The following GON4L variants were observed in gnomAD, a reference collection of about 807,000 sequenced individuals.
GON4L encodes the protein GON-4-like protein.
GON4L carries 87 observed loss-of-function variants against 211.8 expected under a neutral mutation model. The observed-to-expected ratio is 0.41, with a 90% CI of 0.35 to 0.49. The LOEUF is 0.49. GON4L is among the 20% of genes least tolerant of loss of function. The pLI, the probability that GON4L is intolerant of heterozygous loss-of-function variation, is 0.15. For synonymous variants in GON4L, 875 were observed against 962.6 expected (o/e 0.91, Z 1.68); for missense variants, 2,155 against 2,659.5 (o/e 0.81, Z 4.17).
chr1:155,766,485 C>T lies in GON4L; in HGVS notation c.2988G>A (p.Lys996=). The change falls in exon 21 of 32, where the codon AAG becomes AAA. Residue 996 remains lysine (K), a synonymous_variant. Coordinates refer to ENST00000368331, the MANE Select transcript of GON4L (RefSeq NM_001282860.2). The part of the protein sequence containing the change: ...TRFPRKAWRQ[K]RSSVLKPLLI... ...GGAGGGGCTTCAGGACTGATGAACGCTTCTGTCTCCAAGCCTTCCTGGGGA... is the reference window on the plus strand; with the variant it reads ...GGAGGGGCTTCAGGACTGATGAACGTTTCTGTCTCCAAGCCTTCCTGGGGA... 1.2e-6 allele frequency: 2 copies of T among 1,614,114 alleles called. No individual in the cohort carries two copies. Among genetic ancestry groups the T allele is most frequent in the Non-Finnish European group, 1.7e-6 (2 of 1,180,012 alleles).
chr1:155,807,577 G>A (rs985651166), intron 10 of GON4L, among the ~76,000 whole-genome samples: 2 of 151,112 alleles, frequency 1.3e-5, no homozygotes, highest in Non-Finnish European at 2.9e-5. Flanking sequence ...GGTGGCAGGC[G>A]CCTGTAGTCC....
At chr1:155,767,645 A>G in intron 19 of GON4L, 104 bp from the exon 20 acceptor site, 1 of 1,569,900 alleles carries the variant, frequency 6.4e-7, no homozygotes, top group Non-Finnish European at 8.8e-7. Flanking sequence ...ACACACACAC[A>G]CACACACACA....
chr1:155,853,394 CTT>C lies in GON4L; in HGVS notation c.385_386del (p.Lys129GlufsTer19), dbSNP rs752706456. ...GKGKLHATGSKRGKKMTLRPG... is the reference protein window; with the variant it reads ...GKGKLHATGSXRGKKMTLRPG... The stretch of plus-strand genomic sequence containing the variant: ...GCCTGAGTGTCATTTTTTTCCCTCT[CTT>C]TGAGCCAGTAGCGTGGAGTTTTCCT... On this transcript the variant is annotated frameshift_variant, in exon 2 of 32. Transcript: ENST00000368331. LOFTEE classifies it high-confidence loss of function. 1 of 1,614,126 alleles carries C rather than the reference CTT, an allele frequency of 6.2e-7. No homozygotes were observed. The highest frequency in any genetic ancestry group is 1.7e-5 in the Admixed American group (1 of 60,010).
intron 23 of GON4L, among the ~76,000 whole-genome samples, chr1:155,761,661 A>G (rs1331488093): frequency 6.6e-6 from 1 of 151,136 alleles, no homozygotes; most frequent in East Asian, 1.9e-4. Flanking sequence ...ACACCCGGCT[A>G]ATTTTTGTAT....
At chr1:155,822,794 C>A (rs1362181415) in intron 3 of GON4L, among the ~76,000 whole-genome samples, 1 of 152,060 alleles carries the variant, frequency 6.6e-6, no homozygotes, top group Non-Finnish European at 1.5e-5. Context: ...ATATATTTTT[C>A]TTTCTTTTGT....
At position 155,752,160 on chromosome 1, in the gene GON4L, C is replaced by G. The variant is rs763105456; in HGVS notation, c.6273G>C (p.Thr2091=). The change falls in exon 30 of 32, where the codon ACG becomes ACC. Residue 2091 remains threonine, a synonymous_variant. Coordinates refer to ENST00000368331, the MANE Select transcript of GON4L (RefSeq NM_001282860.2). ...SRARVKTRDR[T]CPVHESPSGI... ...CTGATGGAGATTCATGGACAGGGCA[C>G]GTCCTGTCTCTTGTCTTCACCCGAG... The G allele has an allele frequency of 4.3e-6, 7 of 1,612,594 alleles. No homozygotes were observed. The South Asian group carries it at 7.7e-5, about 18-fold the overall frequency.
intron 14 of GON4L, among the ~76,000 whole-genome samples, chr1:155,781,607 C>T (rs1050577837): frequency 2.6e-5 from 4 of 152,036 alleles, no homozygotes; most frequent in African/African-American, 7.2e-5. Flanking sequence ...GGATTACAGG[C>T]GAGTGCTACC....
chr1:155,763,768 C>T (rs889369639), intron 21 of GON4L, among the ~76,000 whole-genome samples: 4 of 152,038 alleles, frequency 2.6e-5, no homozygotes, highest in East Asian at 1.9e-4. Context: ...TTTGGGAGGC[C>T]GAGGTGGGTG....
chr1:155,834,105 T>C (rs1670074987), intron 2 of GON4L, among the ~76,000 whole-genome samples: 1 of 152,144 alleles, frequency 6.6e-6, no homozygotes, highest in Non-Finnish European at 1.5e-5. Flanking sequence ...ATTACAGGTG[T>C]GAGCCACTGT....
rs201342433 is a variant in GON4L at position 155,765,618 on chromosome 1, A to G, written c.3855T>C (p.Asn1285=). Residue 1285 remains asparagine, a synonymous_variant, in exon 21 of 32, where the codon AAT becomes AAC. Transcript: ENST00000368331. ...TCACAACGGTCCAGCGACAGGCACT[A>G]TTCTCTGACAATCCTTCTTGGCACT... ...DAECQEGLSE[N]SACRWTVVKT... The G allele has an allele frequency of 2.2e-5, 35 of 1,614,132 alleles. No homozygotes were observed. In the African/African-American group the frequency reaches 4.0e-4, roughly 18 times the overall value.
At chr1:155,784,176 G>C in intron 13 of GON4L, 87 bp from the exon 14 acceptor site, 1 of 1,542,668 alleles carries the variant, frequency 6.5e-7, no homozygotes, top group Non-Finnish European at 8.9e-7. Flanking sequence ...GAAAACTATA[G>C]ATTACAAGAC....
chr1:155,773,548 C>T, intron 17 of GON4L: 1 of 264,450 alleles, frequency 3.8e-6, no homozygotes, highest in Non-Finnish European at 7.3e-6. Flanking sequence ...CCCTTAAATA[C>T]TTGAAGGATA....
In GON4L at chr1:155,765,265, C is replaced by T; in HGVS notation, c.4208G>A (p.Gly1403Glu). The change falls in exon 21 of 32, where the codon GGG becomes GAG. Residue 1403 changes from glycine (G) to glutamate (E), a missense_variant. Gly to Glu is a moderately conservative substitution (Grantham distance 98). Coordinates refer to ENST00000368331, the MANE Select transcript of GON4L (RefSeq NM_001282860.2). Reference protein sequence around the residue: ...SQEPPDEGTSGTDVNKGSSKN... With the variant: ...SQEPPDEGTSETDVNKGSSKN... Reference sequence around the variant, plus strand: ...TGATGATCCTTTGTTCACATCTGTCCCTGAGGTTCCTTCATCAGGGGGCTC... The same window carrying T: ...TGATGATCCTTTGTTCACATCTGTCTCTGAGGTTCCTTCATCAGGGGGCTC... 6.2e-7 allele frequency: 1 copy of T among 1,614,112 alleles called. No individual in the cohort carries two copies. The highest frequency in any genetic ancestry group is 2.2e-5 in the East Asian group (1 of 44,888).
intron 5 of GON4L, among the ~76,000 whole-genome samples, chr1:155,821,053 T>G (rs2102250291): frequency 6.6e-6 from 1 of 152,146 alleles, no homozygotes; most frequent in South Asian, 2.1e-4. Flanking sequence ...GATCACAAGG[T>G]CAGGAGATCG....
At chr1:155,751,288 C>T (rs976789348) in intron 31 of GON4L, among the ~76,000 whole-genome samples, 1 of 152,080 alleles carries the variant, frequency 6.6e-6, no homozygotes, top group African/African-American at 2.4e-5. Context: ...AGTATCTCAC[C>T]TATTCCCAGC....
intron 2 of GON4L, chr1:155,845,628 C>T: frequency 3.1e-6 from 1 of 323,418 alleles, no homozygotes; most frequent in South Asian, 3.0e-5. Flanking sequence ...AGGGTGAATG[C>T]CAGGGAAAGA....
Position 155,796,726 on chromosome 1 carries a change from T to A in GON4L, c.1646-1575A>T, listed in dbSNP as rs117294845. Among the ~76,000 whole-genome samples the A allele has an allele frequency of 4.4e-4, 67 of 152,212 alleles. No individual in the cohort carries two copies. In the East Asian group the frequency reaches 0.013, roughly 28 times the overall value. On this transcript the variant is annotated intron_variant, in intron 11 of 31. Transcript: ENST00000368331. ...CAGTGTTGTCTAACAGAACTTTCTG[T>A]GATGATGGAAATGATCTATACATGT...
At chr1:155,754,212 G>A (rs1260262731) in intron 28 of GON4L, 163 bp downstream of exon 28, 6 of 678,812 alleles carry the variant, frequency 8.8e-6, no homozygotes, top group African/African-American at 3.5e-5. Flanking sequence ...AATCTATCAC[G>A]TATTTCTAGC....
intron 11 of GON4L, among the ~76,000 whole-genome samples, chr1:155,796,476 C>A (rs1666080586): frequency 6.6e-6 from 1 of 152,000 alleles, no homozygotes; most frequent in Non-Finnish European, 1.5e-5. Flanking sequence ...CAAGGTTTCA[C>A]CATGTTGGCC....
Sources: allele counts gnomAD v4.1 joint callset (sites outside exome capture counted in the v4.1 genomes callset), GRCh38; gene constraint gnomAD v4.1.1; transcripts MANE v1.5; gene names NCBI Gene and HGNC (gene_info 2026-07-23, HGNC 2026-07-21).